Variants in SLCO2B1 observed in about 807,000 individuals in gnomAD.
The protein encoded by SLCO2B1 is OATP-RP2.
In SLCO2B1, 41 loss-of-function variants were observed where a neutral mutation model predicts 67.3. The observed-to-expected ratio is 0.61, with a 90% CI of 0.47 to 0.79. The LOEUF (loss-of-function observed/expected upper bound fraction) is 0.79, where lower values mean the gene tolerates loss of function less well. SLCO2B1 is among the 30% of genes least tolerant of loss of function. The pLI, the probability that SLCO2B1 is intolerant of heterozygous loss-of-function variation, is 0.00. For missense variants in SLCO2B1, 837 were observed against 920.1 expected (o/e 0.91, Z 1.17); for synonymous variants, 379 against 381.4 (o/e 0.99, Z 0.07).
chr11:75,176,471 T>C lies in SLCO2B1; in HGVS notation c.972+3902T>C, dbSNP rs1261622262. 2.6e-5 allele frequency among the ~76,000 whole-genome samples: 4 copies of C among 152,354 alleles called. No individual in the cohort carries two copies. The East Asian group carries it at 7.7e-4, about 29-fold the overall frequency. On this transcript the variant is annotated intron_variant, in intron 7 of 13. Coordinates refer to ENST00000289575, the MANE Select transcript of SLCO2B1 (RefSeq NM_007256.5). ...CTGAGAGGTTGGGATTCTAAAATTA[T>C]ATGGTTTTAAAGTCTGTGTTCCTAA...
At chr11:75,167,946 T>A (rs1949912192) in intron 4 of SLCO2B1, among the ~76,000 whole-genome samples, 1 of 146,662 alleles carries the variant, frequency 6.8e-6, no homozygotes. Flanking sequence ...TAGGCTGGAG[T>A]GCAGTGGCTT....
At position 75,169,442 on chromosome 11, in the gene SLCO2B1, C is replaced by T. The variant is rs1197195588; in HGVS notation, c.682+36C>T. On this transcript the variant is annotated intron_variant, in intron 5 of 13. Transcript: ENST00000289575. The stretch of plus-strand genomic sequence containing the variant: ...GTGCCATCCCTTGGCCTCTGAGGGT[C>T]AGGCCAGGCTCAACTAGGAGGAAGA... 18 of 1,527,938 alleles carry T rather than the reference C, an allele frequency of 1.2e-5. No individual in the cohort carries two copies. The Middle Eastern group carries it at 5.2e-4, about 44-fold the overall frequency. 94.6% of individuals were successfully genotyped at this position (1,527,938 alleles called of 1,614,324 possible).
At chr11:75,155,182 C>T (rs1196053710) in intron 1 of SLCO2B1, among the ~76,000 whole-genome samples, 1 of 152,134 alleles carries the variant, frequency 6.6e-6, no homozygotes, top group Non-Finnish European at 1.5e-5. Flanking sequence ...AAAGCTGGAC[C>T]TCAAGCATGC....
intron 7 of SLCO2B1, among the ~76,000 whole-genome samples, chr11:75,185,801 T>C (rs1839524019): frequency 6.6e-6 from 1 of 152,128 alleles, no homozygotes; most frequent in Non-Finnish European, 1.5e-5. Flanking sequence ...TGTTTATATA[T>C]AGGATGAAAA....
chr11:75,193,372 C>A lies in SLCO2B1; in HGVS notation c.1230C>A (p.Asn410Lys). ...TTTCCATCACAGCCTCCTACGCCAA[C>A]CTGCTCATCGGCTGCCTCTCCTTCC... ...RQFSITASYANLLIGCLSFPS... is the reference protein window; with the variant it reads ...RQFSITASYAKLLIGCLSFPS... The change falls in exon 9 of 14, where the codon AAC (asparagine) becomes AAA (lysine). Residue 410 changes from asparagine to lysine, a missense_variant. Transcript: ENST00000289575. This position sits in a 1 kb window ranked among gnomAD's most constrained non-coding sequence, Gnocchi z 4.2. The A allele has an allele frequency of 6.2e-7, 1 of 1,614,230 alleles. No homozygotes were observed. The highest frequency in any genetic ancestry group is 8.5e-7 in the Non-Finnish European group (1 of 1,180,048).
chr11:75,169,937 G>A, intron 6 of SLCO2B1, 173 bp downstream of exon 6: 3 of 597,838 alleles, frequency 5.0e-6, no homozygotes, highest in Non-Finnish European at 9.0e-6. Flanking sequence ...TCTCTGTCCT[G>A]TCTGTCTCCT....
intron 10 of SLCO2B1, among the ~76,000 whole-genome samples, chr11:75,197,703 C>T (rs1411377687): frequency 6.6e-6 from 1 of 152,138 alleles, no homozygotes; most frequent in East Asian, 1.9e-4. Flanking sequence ...AGAAGGCTAG[C>T]GAGCATTCAG....
rs144102219 is a variant in SLCO2B1, at chr11:75,162,814, C to T, written c.147+29C>T. ...CCTCTCAGGGCCTGGCAGGGGCCTC[C>T]GAGTCTAGAAGAGCAGGCTCTGCCA... On this transcript the variant is annotated intron_variant, in intron 2 of 13. Coordinates refer to ENST00000289575, the MANE Select transcript of SLCO2B1 (RefSeq NM_007256.5). 585 of 1,605,028 alleles carry T rather than the reference C, an allele frequency of 3.6e-4. No homozygotes were observed. In the African/African-American group the frequency reaches 5.8e-3, roughly 16 times the overall value.
At chr11:75,202,987 A>G in intron 12 of SLCO2B1, 22 bp downstream of exon 12, 5 of 1,608,884 alleles carry the variant, frequency 3.1e-6, no homozygotes, top group South Asian at 1.1e-5. Context: ...GCTTGGGACC[A>G]TTGGTGGTGG....
chr11:75,198,910 T>C (rs1945142130), intron 10 of SLCO2B1, among the ~76,000 whole-genome samples: 1 of 152,088 alleles, frequency 6.6e-6, no homozygotes, highest in African/African-American at 2.4e-5. Context: ...ATTGAAGTCA[T>C]TCATAAGAAA....
rs1009964902 is a variant in SLCO2B1 at position 75,196,593 on chromosome 11, G to A, written c.1513G>A (p.Asp505Asn). ...CPLDGFNPVC[D>N]PSTRVEYITP... ...ATTGGACGGCTTTAACCCTGTCTGCGACCCCAGCACTCGTGTGGAATACAT... is the reference window on the plus strand; with the variant it reads ...ATTGGACGGCTTTAACCCTGTCTGCAACCCCAGCACTCGTGTGGAATACAT... Residue 505 changes from aspartate to asparagine, a missense_variant, in exon 10 of 14, where the codon GAC becomes AAC. Asp to Asn is a conservative substitution (Grantham distance 23). Coordinates refer to ENST00000289575, the MANE Select transcript of SLCO2B1 (RefSeq NM_007256.5). 12 of 1,614,086 alleles carry A rather than the reference G, an allele frequency of 7.4e-6. 1 individual carries two copies. In the Admixed American group the frequency reaches 1.0e-4, roughly 13 times the overall value.
chr11:75,178,358 G>A (rs935443685), intron 7 of SLCO2B1, among the ~76,000 whole-genome samples: 5 of 152,236 alleles, frequency 3.3e-5, no homozygotes, highest in South Asian at 4.1e-4. Flanking sequence ...AAGCGCAGGC[G>A]CAGTAAACAG....
rs1377110969 is a variant in SLCO2B1 at position 75,162,611 on chromosome 11, C to T, written c.17-44C>T. The stretch of plus-strand genomic sequence containing the variant: ...TATCTAATCAGGTCAGGGCCATTCT[C>T]GGGGATTCTATCTATTCTCTTTCCC... On this transcript the variant is annotated intron_variant, in intron 1 of 13. Transcript: ENST00000289575. 1.6e-5 allele frequency: 26 copies of T among 1,589,998 alleles called. No individual in the cohort carries two copies. The East Asian group carries it at 2.0e-4, about 12-fold the overall frequency.
chr11:75,192,732 G>T (rs1217083806), intron 8 of SLCO2B1, among the ~76,000 whole-genome samples: 1 of 152,138 alleles, frequency 6.6e-6, no homozygotes, highest in Non-Finnish European at 1.5e-5. Flanking sequence ...GGAACAAAAT[G>T]AAACAGAATT....
chr11:75,199,026 A>G (rs541630553), intron 10 of SLCO2B1, among the ~76,000 whole-genome samples: 8 of 152,326 alleles, frequency 5.3e-5, no homozygotes, highest in African/African-American at 1.9e-4. Context: ...TCATCCTGGC[A>G]ACCTCTGCTT....
intron 4 of SLCO2B1, 86 bp downstream of exon 4, chr11:75,166,035 G>A: frequency 2.0e-6 from 3 of 1,469,770 alleles, no homozygotes; most frequent in Admixed American, 3.9e-5. Context: ...CATTCATCTG[G>A]CAGGATACAC....
intron 4 of SLCO2B1, among the ~76,000 whole-genome samples, chr11:75,167,093 G>A (rs1357720170): frequency 2.6e-5 from 4 of 152,192 alleles, no homozygotes; most frequent in Admixed American, 2.6e-4. Flanking sequence ...CCCTGAATAG[G>A]GGAAGGACCT....
intron 1 of SLCO2B1, among the ~76,000 whole-genome samples, chr11:75,155,238 T>C (rs1174976657): frequency 1.3e-5 from 2 of 152,036 alleles, no homozygotes; most frequent in African/African-American, 2.4e-5. Context: ...GGGAGGAATT[T>C]CCCAAATATG....
At chr11:75,204,166 C>T in intron 13 of SLCO2B1, 1 of 374,362 alleles carries the variant, frequency 2.7e-6, no homozygotes, top group Non-Finnish European at 4.7e-6. Flanking sequence ...AGAGGCAGGG[C>T]CAGGCCAGGC....
Sources: gnomAD v4.1 joint callset for allele counts (sites outside exome capture counted in the v4.1 genomes callset) on GRCh38, gnomAD v4.1.1 for gene constraint, Gnocchi (gnomAD v3.1) non-coding constraint, MANE v1.5 for transcripts, NCBI Gene and HGNC (gene_info 2026-07-23, HGNC 2026-07-21) for gene names.